Variants in DNAH11 observed in about 807,000 individuals in gnomAD.
The protein encoded by DNAH11 is axonemal beta dynein heavy chain 11.
Under a neutral mutation model 526.0 loss-of-function variants are expected in DNAH11, and 442 were observed. The ratio of observed to expected loss-of-function variants is 0.84; its 90% confidence interval spans 0.78 to 0.91. The LOEUF is 0.91. Ranked by LOEUF, DNAH11 falls within the 40% of genes least tolerant of loss-of-function variation. The pLI is 0.00. For missense variants in DNAH11, 6,989 were observed against 5,448.7 expected, an observed-to-expected ratio of 1.28 and a Z score of -8.90; for synonymous variants, 2,461 against 1,935.9, an observed-to-expected ratio of 1.27 and a Z score of -7.12.
chr7:21,573,654 GAGACATTATTTTAAC>G (rs1783977870), intron 8 of DNAH11, among the ~76,000 whole-genome samples: 2 of 152,066 alleles, frequency 1.3e-5, no homozygotes, highest in South Asian at 4.1e-4. Flanking sequence ...GGTAGTTTTT[GAGACATTATTTTAAC>G]AAATGACTTC....
At chr7:21,547,157 C>A (rs1782833832) in intron 2 of DNAH11, among the ~76,000 whole-genome samples, 1 of 151,954 alleles carries the variant, frequency 6.6e-6, no homozygotes, top group African/African-American at 2.4e-5. Flanking sequence ...TAAGTACATC[C>A]CAGGTCTATT....
chr7:21,543,417 C>G lies in DNAH11; in HGVS notation c.172C>G (p.Arg58Gly), dbSNP rs1225537822. The G allele has an allele frequency of 6.4e-7, 1 of 1,554,834 alleles. No homozygotes were observed. The highest frequency in any genetic ancestry group is 8.7e-7 in the Non-Finnish European group (1 of 1,148,602). ...AGCGCGGAGTTTCGCCCAAGACGCG[C>G]GGGTGCGCTTCCTCGGCGGCCGCCT... ...RRARSFAQDA[R>G]VRFLGGRLAM... is the part of the protein sequence containing the mutation. The change falls in exon 1 of 82, where the codon CGG becomes GGG. Residue 58 changes from arginine to glycine, a missense_variant. Arg to Gly is a moderately radical substitution (Grantham distance 125). Coordinates refer to ENST00000409508, the MANE Select transcript of DNAH11 (RefSeq NM_001277115.2).
chr7:21,815,891 T>C (rs1789765029), intron 63 of DNAH11, among the ~76,000 whole-genome samples: 1 of 152,092 alleles, frequency 6.6e-6, no homozygotes, highest in South Asian at 2.1e-4. Flanking sequence ...ACCCCTTACT[T>C]TGCAACGCAA....
rs1788209991 is a variant in DNAH11, at chr7:21,786,700, T to G, written c.9674T>G (p.Leu3225Arg). ...VTNVTAAVMV[L>R]LAPRGRVPKD... ...AATGTTACTGCAGCCGTGATGGTCC[T>G]TCTGGCTCCTCGGGGAAGAGTGCCC... Residue 3225 changes from leucine to arginine, a missense_variant, in exon 59 of 82, where the codon CTT (leucine) becomes CGT (arginine). Leu to Arg is a moderately radical substitution (Grantham distance 102). Coordinates refer to ENST00000409508, the MANE Select transcript of DNAH11 (RefSeq NM_001277115.2). 1.2e-6 allele frequency: 2 copies of G among 1,613,924 alleles called. No homozygotes were observed. The highest frequency in any genetic ancestry group is 4.5e-5 in the East Asian group (2 of 44,892).
In DNAH11 at chr7:21,639,852, G is replaced by A. The variant is rs76543976; in HGVS notation, c.4944+787G>A. Among the ~76,000 whole-genome samples the A allele has an allele frequency of 1.7e-4, 26 of 150,408 alleles. No homozygotes were observed. In the East Asian group the frequency reaches 4.3e-3, roughly 25 times the overall value. On this transcript the variant is annotated intron_variant, in intron 28 of 81. Coordinates refer to ENST00000409508, the MANE Select transcript of DNAH11 (RefSeq NM_001277115.2). ...AAACTGAAGCTTGTGCTATATAATT[G>A]TGGAGTTTTCTCCATGTTTTTTTTT...
chr7:21,754,905 A>G (rs1440813681), intron 54 of DNAH11, among the ~76,000 whole-genome samples: 1 of 152,206 alleles, frequency 6.6e-6, no homozygotes, highest in Admixed American at 6.5e-5. Context: ...GGAATTTTAA[A>G]GAATTCCAAA....
At chr7:21,781,123 C>T (rs1021504744) in intron 57 of DNAH11, among the ~76,000 whole-genome samples, 2 of 152,192 alleles carry the variant, frequency 1.3e-5, no homozygotes, top group East Asian at 1.9e-4. Context: ...GTGCTAGATA[C>T]TATGCTATGC....
intron 8 of DNAH11, among the ~76,000 whole-genome samples, chr7:21,579,474 T>C (rs967973177): frequency 7.2e-5 from 11 of 152,096 alleles, no homozygotes; most frequent in Admixed American, 3.9e-4. Flanking sequence ...AACATTTACA[T>C]AGGGCCCCTT....
In DNAH11 at chr7:21,717,844, T is replaced by A. The variant is rs957145522; in HGVS notation, c.7053T>A (p.Asp2351Glu). The A allele has an allele frequency of 6.2e-7, 1 of 1,613,810 alleles. No homozygotes were observed. Among genetic ancestry groups the A allele is most frequent in the Non-Finnish European group, 8.5e-7 (1 of 1,179,842 alleles). The stretch of plus-strand genomic sequence containing the variant: ...AGGCCAATTTGACTATTCTTTTTGA[T>A]AAATATGTCCCTGCATGCTTGGATA... ...SEKANLTILF[D>E]KYVPACLDKL... Residue 2351 changes from aspartate (D) to glutamate (E), a missense_variant, in exon 43 of 82, where the codon GAT becomes GAA. Physicochemically the swap from Asp to Glu is conservative, Grantham distance 45. Transcript: ENST00000409508.
intron 28 of DNAH11, among the ~76,000 whole-genome samples, chr7:21,654,804 A>G (rs1562731761): frequency 6.6e-6 from 1 of 152,130 alleles, no homozygotes; most frequent in Non-Finnish European, 1.5e-5. Flanking sequence ...CCTGATTAAT[A>G]AAGTCTGTTC....
In DNAH11 at chr7:21,738,645, C is replaced by G. The variant is rs80251331; in HGVS notation, c.7646-56C>G. On this transcript the variant is annotated intron_variant, in intron 46 of 81. Transcript: ENST00000409508. ...GAAGTTAAGAACAAGAGAAAAATGA[C>G]TAAATGAACATTTACATTCTGTTGA... is the stretch of plus-strand genomic sequence containing the variant. 6,049 of 1,479,708 alleles carry G rather than the reference C, an allele frequency of 4.1e-3. 251 individuals carry two copies. The African/African-American group carries it at 0.077, about 19-fold the overall frequency. 91.7% of individuals were successfully genotyped at this position (1,479,708 alleles called of 1,614,324 possible).
chr7:21,595,682 T>G (rs1784835202), intron 14 of DNAH11, among the ~76,000 whole-genome samples: 1 of 150,062 alleles, frequency 6.7e-6, no homozygotes, highest in African/African-American at 2.5e-5. Context: ...CCAAGAGGAG[T>G]TGAGTGGGCT....
intron 79 of DNAH11, among the ~76,000 whole-genome samples, chr7:21,895,613 T>G (rs1784483182): frequency 6.6e-6 from 1 of 152,246 alleles, no homozygotes; most frequent in Admixed American, 6.5e-5. Context: ...CCTGGCTTTT[T>G]GGTGCTGAGT....
intron 55 of DNAH11, among the ~76,000 whole-genome samples, chr7:21,769,396 T>A (rs1393152315): frequency 6.6e-6 from 1 of 152,182 alleles, no homozygotes. Flanking sequence ...GGTGCTGACC[T>A]TACCAGAAGC....
intron 79 of DNAH11, among the ~76,000 whole-genome samples, chr7:21,898,094 T>C (rs1419721780): frequency 6.6e-6 from 1 of 152,220 alleles, no homozygotes. Flanking sequence ...CCTGATCCCT[T>C]CTAAGTCATG....
In DNAH11 at chr7:21,635,959, A is replaced by G; in HGVS notation, c.4589A>G (p.Asp1530Gly). The G allele has an allele frequency of 6.2e-7, 1 of 1,613,650 alleles. No homozygotes were observed. The highest frequency in any genetic ancestry group is 1.1e-5 in the South Asian group (1 of 90,938). ...TGGCAAAATAAATTAAACATAGCAG[A>G]CTTGGTCATCTTCACTTGGATGGAA... ...LSWQNKLNIA[D>G]LVIFTWMEVQ... The change falls in exon 26 of 82, where the codon GAC (aspartate) becomes GGC (glycine). Residue 1530 changes from aspartate (D) to glycine (G), a missense_variant. By Grantham distance (94) the Asp-to-Gly change is moderately conservative. Coordinates refer to ENST00000409508, the MANE Select transcript of DNAH11 (RefSeq NM_001277115.2).
At chr7:21,674,006 T>C (rs1782750739) in intron 30 of DNAH11, among the ~76,000 whole-genome samples, 1 of 150,852 alleles carries the variant, frequency 6.6e-6, no homozygotes, top group Admixed American at 6.6e-5. Flanking sequence ...TCCTGTTCCT[T>C]ATGGCTCTAT....
At chr7:21,817,564 C>T (rs1053558839) in intron 64 of DNAH11, among the ~76,000 whole-genome samples, 1 of 148,962 alleles carries the variant, frequency 6.7e-6, no homozygotes, top group Non-Finnish European at 1.5e-5. Flanking sequence ...ATGGTAGTGC[C>T]TACCTGTAGT....
At chr7:21,884,606 T>A (rs140397800) in intron 76 of DNAH11, among the ~76,000 whole-genome samples, 196 bp downstream of exon 76, 2 of 152,208 alleles carry the variant, frequency 1.3e-5, no homozygotes, top group African/African-American at 4.8e-5. Context: ...TTTTCACAAG[T>A]CTTCCAGGTG....
Sources: gnomAD v4.1 joint callset for allele counts (sites outside exome capture counted in the v4.1 genomes callset) on GRCh38, gnomAD v4.1.1 for gene constraint, MANE v1.5 for transcripts, NCBI Gene and HGNC (gene_info 2026-07-23, HGNC 2026-07-21) for gene names.